Variants in GRIK2 observed in about 807,000 individuals in gnomAD.
GRIK2 encodes the protein glutamate receptor ionotropic, kainate 2.
A neutral mutation model predicts 100.3 loss-of-function variants in GRIK2; 32 were observed. The observed-to-expected ratio is 0.32, with a 90% CI of 0.24 to 0.43. The LOEUF (loss-of-function observed/expected upper bound fraction) is 0.43, where lower values mean the gene tolerates loss of function less well. Ranked by LOEUF, GRIK2 falls within the 20% of genes least tolerant of loss-of-function variation. GRIK2 has a pLI of 1.00. For missense variants in GRIK2, 843 were observed against 1,114.9 expected, an observed-to-expected ratio of 0.76 and a Z score of 3.47; for synonymous variants, 417 against 389.4, an observed-to-expected ratio of 1.07 and a Z score of -0.83.
intron 7 of GRIK2, among the ~76,000 whole-genome samples, chr6:101,716,726 G>A (rs1007427743): frequency 3.3e-5 from 5 of 151,666 alleles, no homozygotes; most frequent in African/African-American, 4.8e-5. Flanking sequence ...TTGTGCACAC[G>A]TACCCAAGAA....
chr6:101,788,651 A>C (rs1015944371), intron 7 of GRIK2, among the ~76,000 whole-genome samples: 3 of 152,224 alleles, frequency 2.0e-5, no homozygotes, highest in African/African-American at 7.2e-5. Flanking sequence ...TGCTATTGTG[A>C]ATAGTGCTGC....
chr6:101,695,443 G>A (rs1401841084), intron 7 of GRIK2, among the ~76,000 whole-genome samples: 3 of 152,046 alleles, frequency 2.0e-5, no homozygotes, highest in Non-Finnish European at 2.9e-5. Context: ...TTGGAAGGGG[G>A]CACTGTCAAA....
At chr6:101,870,359 C>T (rs1277890564) in intron 11 of GRIK2, among the ~76,000 whole-genome samples, 1 of 151,712 alleles carries the variant, frequency 6.6e-6, no homozygotes, top group East Asian at 1.9e-4. Flanking sequence ...CCTGTTTTTC[C>T]ATCCAGGCCA....
intron 7 of GRIK2, among the ~76,000 whole-genome samples, chr6:101,742,398 A>G (rs1285479742): frequency 1.3e-5 from 2 of 152,180 alleles, no homozygotes; most frequent in Non-Finnish European, 2.9e-5. Context: ...GGTGTCAACA[A>G]AAAGAGTCAG....
chr6:101,494,016 T>A (rs1306037524), intron 2 of GRIK2, among the ~76,000 whole-genome samples: 8 of 100,322 alleles, frequency 8.0e-5, no homozygotes, highest in African/African-American at 2.3e-4. Flanking sequence ...ATATTATATA[T>A]AAAAATTATA....
chr6:101,966,896 A>C (rs927510688), intron 14 of GRIK2, among the ~76,000 whole-genome samples: 8 of 152,090 alleles, frequency 5.3e-5, no homozygotes, highest in Non-Finnish European at 1.0e-4. Context: ...AATAAAAATA[A>C]ACTTAATTTT....
intron 2 of GRIK2, among the ~76,000 whole-genome samples, chr6:101,508,442 T>A (rs985089176): frequency 7.0e-6 from 1 of 143,848 alleles, no homozygotes; most frequent in Admixed American, 7.1e-5. Context: ...CCCTCAATAT[T>A]ATTAGAAAAT....
intron 2 of GRIK2, among the ~76,000 whole-genome samples, chr6:101,608,751 A>G (rs1236206212): frequency 1.3e-5 from 2 of 151,104 alleles, no homozygotes; most frequent in African/African-American, 4.9e-5. Flanking sequence ...GTTTAGGAGT[A>G]TTATCATTTT....
At chr6:101,744,522 G>GTATATATATATATATA (rs1562351557) in intron 7 of GRIK2, 1 of 50,340 alleles carries the variant, frequency 2.0e-5, no homozygotes, top group Non-Finnish European at 4.0e-5. Flanking sequence ...GTGCGTGCGC[G>GTATATATATATATATA]CATATATATA....
intron 15 of GRIK2, among the ~76,000 whole-genome samples, chr6:102,046,516 C>T (rs1412537357): frequency 6.6e-6 from 1 of 152,064 alleles, no homozygotes; most frequent in East Asian, 1.9e-4. Flanking sequence ...CCCACTGCCA[C>T]CATGTGAAGA....
At position 101,462,676 on chromosome 6, in the gene GRIK2, G is replaced by T. The variant is rs565182837; in HGVS notation, c.115+63284G>T. ...TGCCTGTGTTTGTAGCAAATTTTTA[G>T]AGAATGTAGCCCAAGTAAACTGCGA... is the stretch of plus-strand genomic sequence containing the variant. On this transcript the variant is annotated intron_variant, in intron 2 of 16. Transcript: ENST00000369134. 3.3e-5 allele frequency among the ~76,000 whole-genome samples: 5 copies of T among 152,272 alleles called. No homozygotes were observed. The South Asian group carries it at 1.0e-3, about 32-fold the overall frequency.
At chr6:101,660,116 C>T (rs1769503512) in intron 4 of GRIK2, among the ~76,000 whole-genome samples, 1 of 152,158 alleles carries the variant, frequency 6.6e-6, no homozygotes, top group Non-Finnish European at 1.5e-5. Flanking sequence ...ACTAATCAAA[C>T]ATAAGTTTGG....
chr6:101,976,195 T>C (rs1476485371), intron 14 of GRIK2, among the ~76,000 whole-genome samples: 2 of 151,866 alleles, frequency 1.3e-5, no homozygotes, highest in Admixed American at 6.6e-5. Flanking sequence ...ACAGTAAACA[T>C]AGGGCAATTT....
At chr6:101,798,760 T>A (rs920557103) in intron 7 of GRIK2, among the ~76,000 whole-genome samples, 92 of 152,084 alleles carry the variant, frequency 6.0e-4, no homozygotes, top group Non-Finnish European at 1.3e-3. Flanking sequence ...CTTTTCTAGG[T>A]AGTAAGCCTG....
intron 10 of GRIK2, among the ~76,000 whole-genome samples, chr6:101,830,090 T>C (rs1296641383): frequency 6.6e-6 from 1 of 151,832 alleles, no homozygotes; most frequent in South Asian, 2.1e-4. Flanking sequence ...CATAAACCAA[T>C]GTAACAGAAT....
chr6:101,846,958 C>A (rs1266762158), intron 10 of GRIK2, among the ~76,000 whole-genome samples: 2 of 150,950 alleles, frequency 1.3e-5, no homozygotes, highest in African/African-American at 4.9e-5. Context: ...AATTTTGGTT[C>A]CATTGCTTCT....
chr6:101,583,774 C>A (rs548806655), intron 2 of GRIK2, among the ~76,000 whole-genome samples: 1 of 152,098 alleles, frequency 6.6e-6, no homozygotes, highest in South Asian at 2.1e-4. Context: ...CCTTTCATTT[C>A]ATTTGGTGCT....
intron 2 of GRIK2, among the ~76,000 whole-genome samples, chr6:101,613,130 T>C (rs760492489): frequency 1.6e-4 from 24 of 151,724 alleles, no homozygotes; most frequent in Non-Finnish European, 3.2e-4. Context: ...GTGGAAGACA[T>C]AGAACTTCTG....
intron 16 of GRIK2, among the ~76,000 whole-genome samples, chr6:102,065,320 C>T (rs1406107947): frequency 6.6e-6 from 1 of 150,982 alleles, no homozygotes; most frequent in African/African-American, 2.4e-5. Context: ...TTTCAATTTA[C>T]ATTATCTATT....
Sources: gnomAD v4.1 joint callset for allele counts (sites outside exome capture counted in the v4.1 genomes callset) on GRCh38, gnomAD v4.1.1 for gene constraint, MANE v1.5 for transcripts, NCBI Gene and HGNC (gene_info 2026-07-23, HGNC 2026-07-21) for gene names.